KCNAB2: variants seen among roughly 807,000 people sequenced by gnomAD.
KCNAB2 encodes the protein potassium voltage-gated channel subfamily A regulatory beta subunit 2, also known as voltage-gated potassium channel subunit beta-2.
KCNAB2 carries 29 observed loss-of-function variants against 63.6 expected under a neutral mutation model. That is an observed-to-expected ratio of 0.46 (90% CI 0.34 to 0.62). The LOEUF is 0.62. Ranked by LOEUF, KCNAB2 falls within the 20% of genes least tolerant of loss-of-function variation. The pLI is 0.01. For missense variants in KCNAB2, 359 were observed against 563.9 expected (o/e 0.64, Z 3.68); for synonymous variants, 222 against 224.2 (o/e 0.99, Z 0.09).
chr1:6,092,856 T>G (rs1164342621), intron 10 of KCNAB2, among the ~76,000 whole-genome samples: 1 of 152,216 alleles, frequency 6.6e-6, no homozygotes, highest in Non-Finnish European at 1.5e-5. Flanking sequence ...AGAGCAGGGC[T>G]GGGCCTGCAA....
At chr1:6,085,305 A>T (rs2294936) in intron 6 of KCNAB2, 57 bp downstream of exon 6, 1 of 1,519,098 alleles carries the variant, frequency 6.6e-7, no homozygotes, top group South Asian at 1.1e-5. Flanking sequence ...GAACTATCCC[A>T]GGGTCAGCCT....
At chr1:6,027,055 C>A (rs916180310) in intron 1 of KCNAB2, among the ~76,000 whole-genome samples, 2 of 152,208 alleles carry the variant, frequency 1.3e-5, no homozygotes, top group African/African-American at 4.8e-5. Context: ...ACCCTGCAAC[C>A]CCTTGCACAG....
chr1:6,096,938 A>C lies in KCNAB2; in HGVS notation c.1069+182A>C, dbSNP rs541373644. Among the ~76,000 whole-genome samples the C allele has an allele frequency of 1.4e-4, 22 of 152,252 alleles. 1 individual carries two copies. Among genetic ancestry groups the C allele is most frequent in the African/African-American group, 5.3e-4 (22 of 41,542 alleles). ...CTCTAAGGGGCATGGTTGGGACCCC[A>C]TGCCTCTAGGGGGATGTCAGGAGTC... On this transcript the variant is annotated intron_variant, in intron 14 of 15. Coordinates refer to ENST00000378083, the MANE Select transcript of KCNAB2 (RefSeq NM_001199862.2). The surrounding 1 kb of genome is among the most constrained non-coding windows in gnomAD (Gnocchi z 5.9).
At position 6,100,803 on chromosome 1, in the gene KCNAB2, C is replaced by G. The variant is rs566371916; in HGVS notation, c.*2229C>G. ...GCTCTGCCTCCTAGGGCCAGGTCCC[C>G]CCTCTCGGGAGGAGGTATTGGGTAG... is the stretch of plus-strand genomic sequence containing the variant. On this transcript the variant is annotated 3_prime_UTR_variant, in exon 16 of 16. Transcript: ENST00000378083. 1 of 152,246 alleles carries G rather than the reference C, an allele frequency of 6.6e-6. No individual in the cohort carries two copies. Among genetic ancestry groups the G allele is most frequent in the Non-Finnish European group, 1.5e-5 (1 of 68,050 alleles). 9.4% of individuals were successfully genotyped at this position (152,246 alleles called of 1,614,324 possible).
intron 2 of KCNAB2, among the ~76,000 whole-genome samples, chr1:6,067,985 C>T (rs1311592404): frequency 6.6e-6 from 1 of 152,152 alleles, no homozygotes; most frequent in African/African-American, 2.4e-5. Context: ...GAACCAAGAT[C>T]ACGCCACAGC....
chr1:6,097,728 G>A (rs759813929), intron 15 of KCNAB2: 4 of 462,940 alleles, frequency 8.6e-6, no homozygotes, highest in Non-Finnish European at 1.5e-5. Flanking sequence ...AGTAAGTCAC[G>A]CAAATGCCTG....
intron 13 of KCNAB2, among the ~76,000 whole-genome samples, chr1:6,095,873 CT>C (rs200340626): frequency 0.084 from 11,379 of 135,706 alleles, 513 homozygotes; most frequent in East Asian, 0.31. Context: ...ATCCCCCCCC[CT>C]GCCCCCACCA....
chr1:6,096,096 G>C lies in KCNAB2; in HGVS notation c.948+472G>C, dbSNP rs1665609248. 2.2e-6 allele frequency: 1 copy of C among 457,570 alleles called. No individual in the cohort carries two copies. Among genetic ancestry groups the C allele is most frequent in the Non-Finnish European group, 4.4e-6 (1 of 227,966 alleles). 28.3% of individuals were successfully genotyped at this position (457,570 alleles called of 1,614,324 possible). On this transcript the variant is annotated intron_variant, in intron 13 of 15. Coordinates refer to ENST00000378083, the MANE Select transcript of KCNAB2 (RefSeq NM_001199862.2). This position sits in a 1 kb window ranked among gnomAD's most constrained non-coding sequence, Gnocchi z 5.9. ...CAGACTGCAGGATCTGGAGAACAAG[G>C]AGCAGGCCAAGAAAGTCTGCCCAGC...
At chr1:6,047,711 G>T (rs765643849) in intron 1 of KCNAB2, among the ~76,000 whole-genome samples, 1 of 152,200 alleles carries the variant, frequency 6.6e-6, no homozygotes, top group Non-Finnish European at 1.5e-5. Context: ...GGACACTCCC[G>T]TGGGCACTGG....
At chr1:6,081,844 GCTT>G (rs1226185304) in intron 4 of KCNAB2, among the ~76,000 whole-genome samples, 2 of 152,216 alleles carry the variant, frequency 1.3e-5, no homozygotes, top group Non-Finnish European at 2.9e-5. Flanking sequence ...TCACCTCTAA[GCTT>G]CTAAGTAGAC....
At chr1:6,077,563 G>A (rs1319895781) in intron 4 of KCNAB2, among the ~76,000 whole-genome samples, 6 of 152,202 alleles carry the variant, frequency 3.9e-5, no homozygotes, top group Non-Finnish European at 5.9e-5. Context: ...GCACGCCTTC[G>A]GGGGTCTGTG....
At chr1:6,016,082 A>G (rs991710999) in intron 1 of KCNAB2, among the ~76,000 whole-genome samples, 3 of 152,240 alleles carry the variant, frequency 2.0e-5, no homozygotes, top group Non-Finnish European at 2.9e-5. Flanking sequence ...TCTTTTGTCC[A>G]GAGACATTTA....
In KCNAB2 at chr1:6,100,155, C is replaced by T; in HGVS notation, c.*1581C>T. ...GTCCTGCGGGAGCCTGCTGTCCAGT[C>T]CTGGCCGGGCCAAGGCCTGGGAAAC... is the stretch of plus-strand genomic sequence containing the variant. On this transcript the variant is annotated 3_prime_UTR_variant, in exon 16 of 16. Transcript: ENST00000378083. 1 of 1,357,120 alleles carries T rather than the reference C, an allele frequency of 7.4e-7. No homozygotes were observed. Among genetic ancestry groups the T allele is most frequent in the Non-Finnish European group, 9.6e-7 (1 of 1,038,590 alleles). 84.1% of individuals were successfully genotyped at this position (1,357,120 alleles called of 1,614,324 possible). A position where few individuals can be genotyped will look rare whatever the true frequency, so the allele number is the denominator to read the frequency against.
chr1:6,041,854 G>A, upstream of KCNAB2: 1 of 1,613,922 alleles, frequency 6.2e-7, no homozygotes, highest in Non-Finnish European at 8.5e-7. Flanking sequence ...AGTCCCAAAA[G>A]ACAGCTCCAG....
Position 6,072,702 on chromosome 1 carries a change from G to A in KCNAB2, c.219-53G>A, listed in dbSNP as rs781770156. On this transcript the variant is annotated intron_variant, in intron 2 of 15. Transcript: ENST00000378083. ...CTGGCCCTGGCGGGAACTGAGCCTG[G>A]CTGGCAGGGTCCTGCCTGGGTGCTG... 5.5e-5 allele frequency: 88 copies of A among 1,596,530 alleles called. No individual in the cohort carries two copies. In the South Asian group the frequency reaches 8.5e-4, roughly 15 times the overall value.
rs987363512 is a variant in KCNAB2 at position 5,994,807 on chromosome 1, C to T, written c.-53+2019C>T. Among the ~76,000 whole-genome samples, 3 of 152,134 alleles carry T rather than the reference C, an allele frequency of 2.0e-5. No individual in the cohort carries two copies. Among genetic ancestry groups the T allele is most frequent in the African/African-American group, 7.2e-5 (3 of 41,426 alleles). ...GCTGGCCAGCTAGAGAAGGCTTCCT[C>T]GCTTTCATTTTTCAGTCATCTTCTA... is the stretch of plus-strand genomic sequence containing the variant. On this transcript the variant is annotated intron_variant, in intron 1 of 16. Transcript: ENST00000341524. This position sits in a 1 kb window ranked among gnomAD's most constrained non-coding sequence, Gnocchi z 5.4.
At chr1:6,022,153 CAGTTCAGTGGTATTGAGTGTCT>C (rs1438359433) in intron 1 of KCNAB2, among the ~76,000 whole-genome samples, 2 of 150,478 alleles carry the variant, frequency 1.3e-5, no homozygotes, top group African/African-American at 4.9e-5. Flanking sequence ...ATTGAGTGTA[CAGTTCAGTGGTATTGAGTGTCT>C]AGTTCAGTGG....
At chr1:6,085,346 C>A in intron 6 of KCNAB2, 98 bp downstream of exon 6, 1 of 998,802 alleles carries the variant, frequency 1.0e-6, no homozygotes, top group Non-Finnish European at 1.6e-6. Context: ...TCGTAAGGCC[C>A]GCAAGTCCCC....
chr1:6,042,385 A>C (rs1417549268), upstream of KCNAB2, among the ~76,000 whole-genome samples: 10 of 152,028 alleles, frequency 6.6e-5, 1 homozygote, highest in South Asian at 2.1e-3. Flanking sequence ...CATCTTTCTG[A>C]TATGTTTTTC....
Sources: allele counts gnomAD v4.1 joint callset (sites outside exome capture counted in the v4.1 genomes callset), GRCh38; gene constraint gnomAD v4.1.1; non-coding constraint Gnocchi (gnomAD v3.1); transcripts MANE v1.5; gene names NCBI Gene and HGNC (gene_info 2026-07-23, HGNC 2026-07-21).